THUMPD2: variants seen among roughly 807,000 people sequenced by gnomAD.
THUMPD2 encodes the protein THUMP domain 2 tRNA and snRNA guanosine methyltransferase, also known as U6 snRNA (guanine-N(2))-methyltransferase THUMPD2.
Under a neutral mutation model 49.4 loss-of-function variants are expected in THUMPD2, and 56 were observed. The ratio of observed to expected loss-of-function variants is 1.13; its 90% confidence interval spans 0.91 to 1.41. THUMPD2 has a LOEUF of 1.41. Among genes scored for constraint, THUMPD2 ranks in the 40% most tolerant of loss-of-function variants. THUMPD2 has a pLI of 0.00. For synonymous variants in THUMPD2, 237 were observed against 205.2 expected (o/e 1.15, Z -1.32); for missense variants, 709 against 594.5 (o/e 1.19, Z -2.00).
At chr2:39,768,181 G>C (rs1356651637) in intron 4 of THUMPD2, among the ~76,000 whole-genome samples, 2 of 151,980 alleles carry the variant, frequency 1.3e-5, no homozygotes, top group Non-Finnish European at 2.9e-5. Flanking sequence ...TTCTTCAACT[G>C]TGACCAGACA....
At chr2:39,738,284 C>T (rs1343057207) in intron 9 of THUMPD2, among the ~76,000 whole-genome samples, 2 of 152,138 alleles carry the variant, frequency 1.3e-5, no homozygotes, top group East Asian at 1.9e-4. Flanking sequence ...TGCTATAGGG[C>T]CGGCATGGTG....
chr2:39,776,394 AT>A (rs34586675), intron 1 of THUMPD2, among the ~76,000 whole-genome samples: 54,785 of 135,476 alleles, frequency 0.4, 11,191 homozygotes, highest in East Asian at 0.72. Context: ...TCAGTATACT[AT>A]TTTTTTTTTT....
intron 8 of THUMPD2, among the ~76,000 whole-genome samples, chr2:39,746,148 G>T (rs1000700925): frequency 6.6e-6 from 1 of 152,238 alleles, no homozygotes; most frequent in East Asian, 1.9e-4. Flanking sequence ...GATGTAAATG[G>T]GAGATGACAG....
chr2:39,750,881 T>C (rs1038658142), intron 8 of THUMPD2, among the ~76,000 whole-genome samples: 17 of 152,208 alleles, frequency 1.1e-4, no homozygotes, highest in African/African-American at 4.1e-4. Flanking sequence ...TCTTAAGAAA[T>C]AGAAGCTCAA....
In THUMPD2 at chr2:39,761,375, G is replaced by A. The variant is rs1194232053; in HGVS notation, c.847C>T (p.Arg283Ter). ...SRAYIKTAGL[R>*]STIAWAMASL... ...GCCATTGCCCACGCTATTGTAGATC[G>A]CAGTCCAGCTGTCTTGATGTAAGCT... Residue 283 changes from arginine to a stop codon, truncating the protein, a stop_gained, in exon 6 of 10, where the codon CGA (arginine) becomes TGA (stop). Coordinates refer to ENST00000505747, the MANE Select transcript of THUMPD2 (RefSeq NM_025264.5). LOFTEE classifies it high-confidence loss of function. 1.3e-5 allele frequency: 21 copies of A among 1,613,580 alleles called. No individual in the cohort carries two copies. The highest frequency in any genetic ancestry group is 6.7e-5 in the Admixed American group (4 of 59,980).
At chr2:39,766,620 C>G (rs1677555195) in intron 4 of THUMPD2, among the ~76,000 whole-genome samples, 1 of 152,004 alleles carries the variant, frequency 6.6e-6, no homozygotes, top group South Asian at 2.1e-4. Flanking sequence ...TCTGTTAGGC[C>G]ATGAAGAGTA....
Position 39,768,465 on chromosome 2 carries a change from G to T in THUMPD2, c.709C>A (p.His237Asn). The T allele has an allele frequency of 6.2e-7, 1 of 1,612,906 alleles. No individual in the cohort carries two copies. Among genetic ancestry groups the T allele is most frequent in the African/African-American group, 1.3e-5 (1 of 74,976 alleles). ...CTCAAGTCTGCTTTCCATCCAAAGT[G>T]TTTCATAATAGCAATTCCAATTACT... ...GKVIGIAIMK[H>N]FGWKADLRNP... The change falls in exon 4 of 10, where the codon CAC becomes AAC. Residue 237 changes from histidine to asparagine, a missense_variant. By Grantham distance (68) the His-to-Asn change is moderately conservative (BLOSUM62 1). Coordinates refer to ENST00000505747, the MANE Select transcript of THUMPD2 (RefSeq NM_025264.5).
intron 6 of THUMPD2, among the ~76,000 whole-genome samples, chr2:39,757,644 G>T (rs1676316136): frequency 6.6e-6 from 1 of 152,094 alleles, no homozygotes; most frequent in Non-Finnish European, 1.5e-5. Context: ...TTTACCTTAG[G>T]ACCTTTTCTT....
intron 7 of THUMPD2, 57 bp from the exon 8 acceptor site, chr2:39,755,466 T>A: frequency 8.5e-7 from 1 of 1,179,102 alleles, no homozygotes; most frequent in Non-Finnish European, 1.2e-6. Flanking sequence ...TTCATGTAGT[T>A]AAGAAAATCG....
intron 8 of THUMPD2, among the ~76,000 whole-genome samples, chr2:39,751,335 C>G (rs1443459800): frequency 6.6e-6 from 1 of 152,258 alleles, no homozygotes. Context: ...AGAGTGGAAA[C>G]ACTTGAGAAC....
chr2:39,739,857 G>C (rs1401879004), intron 9 of THUMPD2, among the ~76,000 whole-genome samples: 2 of 152,152 alleles, frequency 1.3e-5, no homozygotes, highest in Non-Finnish European at 1.5e-5. Context: ...CTTGAAGACA[G>C]AAACTGAAGT....
chr2:39,764,144 A>G (rs1677199891), intron 5 of THUMPD2, among the ~76,000 whole-genome samples: 1 of 152,186 alleles, frequency 6.6e-6, no homozygotes, highest in Non-Finnish European at 1.5e-5. Flanking sequence ...AATTAGAGTT[A>G]GTTTCTCTTT....
chr2:39,744,977 T>C (rs1301142340), intron 8 of THUMPD2, among the ~76,000 whole-genome samples: 1 of 152,176 alleles, frequency 6.6e-6, no homozygotes, highest in African/African-American at 2.4e-5. Flanking sequence ...AAAGGCTACA[T>C]AATCAATAAT....
Position 39,737,060 on chromosome 2 carries a change from C to A in THUMPD2, c.1188-1G>T. The A allele has an allele frequency of 6.3e-7, 1 of 1,579,930 alleles. No homozygotes were observed. Among genetic ancestry groups the A allele is most frequent in the Admixed American group, 1.8e-5 (1 of 54,292 alleles). On this transcript the variant is annotated splice_acceptor_variant, in intron 9 of 9. Coordinates refer to ENST00000505747, the MANE Select transcript of THUMPD2 (RefSeq NM_025264.5). LOFTEE classifies it high-confidence loss of function. ...AATGGTTCCGCCAACATGAAGCACT[C>A]TGTGACAAAAAAAAAATGGTAATTG...
At chr2:39,759,155 G>C (rs1415844165) in intron 6 of THUMPD2, among the ~76,000 whole-genome samples, 1 of 151,864 alleles carries the variant, frequency 6.6e-6, no homozygotes, top group East Asian at 1.9e-4. Flanking sequence ...GTTCATAATA[G>C]GAATTTCAGA....
At chr2:39,759,818 T>C (rs1437491032) in intron 6 of THUMPD2, among the ~76,000 whole-genome samples, 5 of 152,104 alleles carry the variant, frequency 3.3e-5, no homozygotes, top group Admixed American at 3.3e-4. Flanking sequence ...AAGATAGAGA[T>C]ACCCAGGATA....
chr2:39,737,160 A>G lies in THUMPD2; in HGVS notation c.1188-101T>C, dbSNP rs546978385. ...GTTCATGTTTTTAATTTGAAATTTA[A>G]TTTTATCCATTTAAATATAAGGATT... is the stretch of plus-strand genomic sequence containing the variant. On this transcript the variant is annotated intron_variant, in intron 9 of 9. Coordinates refer to ENST00000505747, the MANE Select transcript of THUMPD2 (RefSeq NM_025264.5). 1.6e-4 allele frequency: 177 copies of G among 1,104,114 alleles called. 1 individual carries two copies. The African/African-American group carries it at 2.6e-3, about 16-fold the overall frequency. 68.4% of individuals were successfully genotyped at this position (1,104,114 alleles called of 1,614,324 possible). A position where few individuals can be genotyped will look rare whatever the true frequency, so the allele number is the denominator to read the frequency against.
At chr2:39,764,429 T>C (rs1329614456) in intron 5 of THUMPD2, among the ~76,000 whole-genome samples, 5 of 152,256 alleles carry the variant, frequency 3.3e-5, no homozygotes, top group Non-Finnish European at 5.9e-5. Context: ...TTATCTGCTA[T>C]GCTATACTGT....
chr2:39,762,524 G>A (rs1322148942), intron 5 of THUMPD2, among the ~76,000 whole-genome samples: 2 of 151,804 alleles, frequency 1.3e-5, no homozygotes, highest in African/African-American at 4.8e-5. Context: ...CAAACCCATG[G>A]GAGTTTGGCT....
Sources: allele counts gnomAD v4.1 joint callset (sites outside exome capture counted in the v4.1 genomes callset), GRCh38; gene constraint gnomAD v4.1.1; transcripts MANE v1.5; gene names NCBI Gene and HGNC (gene_info 2026-07-23, HGNC 2026-07-21).